The following TMEM132D variants were observed in gnomAD, a reference collection of about 807,000 sequenced individuals.
TMEM132D encodes the protein transmembrane protein 132D.
TMEM132D carries 21 observed loss-of-function variants against 62.3 expected under a neutral mutation model. That is an observed-to-expected ratio of 0.34 (90% CI 0.24 to 0.49). The LOEUF (loss-of-function observed/expected upper bound fraction) is 0.49, where lower values mean the gene tolerates loss of function less well. Among genes scored for constraint, TMEM132D ranks in the 20% least tolerant of loss-of-function variants. TMEM132D has a pLI of 0.99. For missense variants in TMEM132D, 1,346 were observed against 1,402.8 expected (o/e 0.96, Z 0.65); for synonymous variants, 621 against 575.6 (o/e 1.08, Z -1.13).
At chr12:129,565,529 T>A (rs1007154706) in intron 2 of TMEM132D, among the ~76,000 whole-genome samples, 8 of 152,238 alleles carry the variant, frequency 5.3e-5, no homozygotes, top group African/African-American at 1.2e-4. Flanking sequence ...CTCTTTCCAT[T>A]ATGCCCTGAA....
intron 2 of TMEM132D, chr12:129,698,114 C>G (rs1267401243): frequency 6.6e-6 from 1 of 152,142 alleles, no homozygotes; most frequent in East Asian, 1.9e-4. Context: ...TCTACGTAAG[C>G]AGCCATCCTC....
chr12:129,538,233 T>C (rs889844666), intron 2 of TMEM132D, among the ~76,000 whole-genome samples: 2 of 152,224 alleles, frequency 1.3e-5, no homozygotes, highest in Admixed American at 6.5e-5. Context: ...CGAACTTCCA[T>C]CACTTTACAC....
In TMEM132D at chr12:129,072,435, C is replaced by T. The variant is rs767602398; in HGVS notation, c.*1440G>A. 3 of 152,356 alleles carry T rather than the reference C, an allele frequency of 2.0e-5. No individual in the cohort carries two copies. Among genetic ancestry groups the T allele is most frequent in the African/African-American group, 4.8e-5 (2 of 41,410 alleles). 9.4% of individuals were successfully genotyped at this position (152,356 alleles called of 1,614,324 possible). Reference sequence around the variant, plus strand: ...AGGAATTCTCTGATGTATCCTTGCCCCCATCTTCATAGGCTTCATAAGTGA... The same window carrying T: ...AGGAATTCTCTGATGTATCCTTGCCTCCATCTTCATAGGCTTCATAAGTGA... On this transcript the variant is annotated 3_prime_UTR_variant, in exon 9 of 9. Coordinates refer to ENST00000422113, the MANE Select transcript of TMEM132D (RefSeq NM_133448.3).
chr12:129,282,014 C>A (rs575155251), intron 4 of TMEM132D, among the ~76,000 whole-genome samples: 1 of 152,246 alleles, frequency 6.6e-6, no homozygotes, highest in South Asian at 2.1e-4. Flanking sequence ...TGCCTGATTC[C>A]CTTCCTTGTC....
At chr12:129,838,953 CTT>C (rs576777558) in intron 1 of TMEM132D, among the ~76,000 whole-genome samples, 7 of 133,180 alleles carry the variant, frequency 5.3e-5, no homozygotes, top group Admixed American at 7.6e-5. Flanking sequence ...ACTTAAAACT[CTT>C]TTTTTTTTTT....
intron 1 of TMEM132D, among the ~76,000 whole-genome samples, chr12:129,766,748 T>A (rs1311726308): frequency 1.3e-5 from 2 of 152,160 alleles, no homozygotes. Flanking sequence ...GTGACTCTCC[T>A]GAAGGTCACT....
chr12:129,560,163 A>T (rs1304059736), intron 2 of TMEM132D, among the ~76,000 whole-genome samples: 1 of 152,228 alleles, frequency 6.6e-6, no homozygotes, highest in African/African-American at 2.4e-5. Context: ...CAAGCAAGAC[A>T]TCCAGGGGTC....
intron 1 of TMEM132D, among the ~76,000 whole-genome samples, chr12:129,796,991 G>C (rs1421873560): frequency 6.6e-6 from 1 of 152,132 alleles, no homozygotes; most frequent in Non-Finnish European, 1.5e-5. Flanking sequence ...ATATTAGCTA[G>C]GCATCTTTTA....
intron 1 of TMEM132D, among the ~76,000 whole-genome samples, chr12:129,756,944 T>C (rs189750125): frequency 1.1e-4 from 16 of 152,224 alleles, no homozygotes; most frequent in Admixed American, 1.0e-3. Context: ...CTCCCCAGGT[T>C]TGTCTCCCTC....
chr12:129,625,766 A>G lies in TMEM132D; in HGVS notation c.968+74044T>C, dbSNP rs140296442. Among the ~76,000 whole-genome samples, 1,169 of 152,312 alleles carry G rather than the reference A, an allele frequency of 7.7e-3. 12 individuals are homozygous for G. The highest frequency in any genetic ancestry group is 0.021 in the South Asian group (99 of 4,824). On this transcript the variant is annotated intron_variant, in intron 2 of 8. Coordinates refer to ENST00000422113, the MANE Select transcript of TMEM132D (RefSeq NM_133448.3). The stretch of plus-strand genomic sequence containing the variant: ...TTTATTACCTTCAACACAATTTGTC[A>G]CTTTATACTTGTAGGATTTTTTTAA...
chr12:129,204,503 C>A (rs529275754), intron 5 of TMEM132D, among the ~76,000 whole-genome samples: 1 of 152,214 alleles, frequency 6.6e-6, no homozygotes, highest in Non-Finnish European at 1.5e-5. Context: ...CAAACAAAGC[C>A]TCTGAGGAAG....
chr12:129,292,819 T>C (rs1373113235), intron 4 of TMEM132D, among the ~76,000 whole-genome samples: 1 of 152,216 alleles, frequency 6.6e-6, no homozygotes, highest in Non-Finnish European at 1.5e-5. Flanking sequence ...AAAGACCTTT[T>C]CTTGGCTTTC....
At chr12:129,790,081 A>G (rs1275162725) in intron 1 of TMEM132D, among the ~76,000 whole-genome samples, 1 of 152,168 alleles carries the variant, frequency 6.6e-6, no homozygotes. Context: ...GCTCAGTCCC[A>G]CTGTGTTCCA....
intron 5 of TMEM132D, among the ~76,000 whole-genome samples, chr12:129,165,400 G>A (rs964648219): frequency 2.8e-4 from 42 of 152,136 alleles, no homozygotes; most frequent in Middle Eastern, 3.2e-3. Context: ...TGAACTCTAC[G>A]TAATGATAGA....
At chr12:129,504,021 CACTATTGTCATCATCATT>C (rs1875251753) in intron 3 of TMEM132D, among the ~76,000 whole-genome samples, 1 of 151,598 alleles carries the variant, frequency 6.6e-6, no homozygotes, top group Non-Finnish European at 1.5e-5. Flanking sequence ...TCATCATCAT[CACTATTGTCATCATCATT>C]ACTGTCATCA....
intron 1 of TMEM132D, among the ~76,000 whole-genome samples, chr12:129,806,256 T>C (rs1476512213): frequency 4.9e-4 from 35 of 71,152 alleles, no homozygotes; most frequent in Non-Finnish European, 8.8e-4. Context: ...ATATTTATTG[T>C]GGCACTATTC....
At chr12:129,606,191 C>T (rs568477455) in intron 2 of TMEM132D, among the ~76,000 whole-genome samples, 5 of 152,270 alleles carry the variant, frequency 3.3e-5, no homozygotes, top group African/African-American at 9.6e-5. Flanking sequence ...AGATGGAACC[C>T]TAGCTGTGAT....
intron 1 of TMEM132D, among the ~76,000 whole-genome samples, chr12:129,705,268 T>C (rs894243309): frequency 1.3e-5 from 2 of 152,202 alleles, no homozygotes; most frequent in African/African-American, 4.8e-5. Context: ...TTTATATACA[T>C]ATACAAATTC....
chr12:129,837,962 AT>A (rs150978397), intron 1 of TMEM132D, among the ~76,000 whole-genome samples: 1 of 152,158 alleles, frequency 6.6e-6, no homozygotes. Context: ...CAAAACATCT[AT>A]TTTTTTCTTT....
Sources: gnomAD v4.1 joint callset for allele counts (sites outside exome capture counted in the v4.1 genomes callset) on GRCh38, gnomAD v4.1.1 for gene constraint, MANE v1.5 for transcripts, NCBI Gene and HGNC (gene_info 2026-07-23, HGNC 2026-07-21) for gene names.